The following ZNF69 variants were observed in gnomAD, a reference collection of about 807,000 sequenced individuals.
ZNF69 encodes zinc finger protein 69.
In ZNF69, 47 loss-of-function variants were observed where a neutral mutation model predicts 50.9. The ratio of observed to expected loss-of-function variants is 0.92; its 90% confidence interval spans 0.73 to 1.18. The LOEUF (loss-of-function observed/expected upper bound fraction) is 1.18. ZNF69 is among the 50% of genes most tolerant of loss of function. The pLI is 0.00. For synonymous variants in ZNF69, 216 were observed against 223.1 expected, an observed-to-expected ratio of 0.97 and a Z score of 0.29; for missense variants, 717 against 675.1, an observed-to-expected ratio of 1.06 and a Z score of -0.69.
At chr19:11,888,936 A>C (rs907705720) in intron 1 of ZNF69, among the ~76,000 whole-genome samples, 1 of 131,366 alleles carries the variant, frequency 7.6e-6, no homozygotes, top group Non-Finnish European at 1.6e-5. Flanking sequence ...GTGCCACTGC[A>C]CTCCAGCCTC....
chr19:11,946,894 G>A, the ZNF69 span: 3 of 391,966 alleles, frequency 7.7e-6, no homozygotes, highest in South Asian at 8.1e-5. Flanking sequence ...CAGCTACTCG[G>A]GAGGCTGAGG....
chr19:11,952,400 TA>T, the ZNF69 span, among the ~76,000 whole-genome samples: 6 of 152,240 alleles, frequency 3.9e-5, no homozygotes, highest in Non-Finnish European at 8.8e-5. Flanking sequence ...TACAGTTGTG[TA>T]AATTGTCTGA....
the ZNF69 span, chr19:11,977,105 C>T: frequency 1.6e-4 from 254 of 1,613,898 alleles, no homozygotes; most frequent in Non-Finnish European, 2.0e-4. Flanking sequence ...CTGGATATTT[C>T]GCAGAGGAAA....
chr19:11,960,723 G>T, the ZNF69 span, among the ~76,000 whole-genome samples: 1 of 151,266 alleles, frequency 6.6e-6, no homozygotes, highest in African/African-American at 2.4e-5. Flanking sequence ...ATGACTACTT[G>T]TTTTTCTTTC....
chr19:11,958,180 G>C, the ZNF69 span, among the ~76,000 whole-genome samples: 1 of 152,108 alleles, frequency 6.6e-6, no homozygotes, highest in Non-Finnish European at 1.5e-5. Flanking sequence ...CCATGTCTCT[G>C]ATTTGACTCG....
intron 1 of ZNF69, among the ~76,000 whole-genome samples, chr19:11,890,979 G>A (rs1423602808): frequency 3.3e-5 from 5 of 152,092 alleles, no homozygotes; most frequent in African/African-American, 7.2e-5. Context: ...ACAGACTCCA[G>A]AGAAATGGAC....
At chr19:11,960,404 C>T in the ZNF69 span, among the ~76,000 whole-genome samples, 1 of 152,066 alleles carries the variant, frequency 6.6e-6, no homozygotes, top group East Asian at 1.9e-4. Context: ...CCCACTGCAG[C>T]ATTAAGCTCC....
rs375050206 is a variant in ZNF69 at position 11,906,221 on chromosome 19, A to T, written c.*123A>T. The T allele has an allele frequency of 7.8e-4, 1,196 of 1,526,248 alleles. 7 individuals are homozygous for T. Among genetic ancestry groups the T allele is most frequent in the South Asian group, 5.6e-3 (411 of 74,004 alleles). The allele number at this position is 1,526,248 out of a possible 1,614,324, so 94.5% of individuals were successfully genotyped here. On this transcript the variant is annotated 3_prime_UTR_variant, in exon 4 of 4. Transcript: ENST00000429654. Reference sequence around the variant, plus strand: ...TCTGCCCAGAACCTTCGAATTCAGTAAAGGACACAAGCACACATAAGAATG... The same window carrying T: ...TCTGCCCAGAACCTTCGAATTCAGTTAAGGACACAAGCACACATAAGAATG...
the ZNF69 span, chr19:11,965,073 T>G: frequency 8.8e-7 from 1 of 1,137,870 alleles, no homozygotes; most frequent in Non-Finnish European, 1.3e-6. Flanking sequence ...CAGCCGGTGG[T>G]TGATATCCGC....
chr19:11,910,396 G>T (rs1972440342), downstream of ZNF69, among the ~76,000 whole-genome samples: 1 of 152,114 alleles, frequency 6.6e-6, no homozygotes, highest in African/African-American at 2.4e-5. Context: ...AAAGCTCAAG[G>T]CATTAGGCTA....
At chr19:11,917,042 G>A, downstream of ZNF69, among the ~76,000 whole-genome samples, 1 of 152,138 alleles carries the variant, frequency 6.6e-6, no homozygotes, top group East Asian at 1.9e-4. Context: ...ACTTGAGTAA[G>A]GTGTTGTACA....
intron 4 of ZNF69, chr19:11,913,360 T>G: frequency 1.7e-6 from 1 of 604,524 alleles, no homozygotes; most frequent in Non-Finnish European, 3.0e-6. Flanking sequence ...GCTTATGTAC[T>G]TACATTTTTA....
At chr19:11,963,090 T>A in the ZNF69 span, among the ~76,000 whole-genome samples, 8,943 of 111,978 alleles carry the variant, frequency 0.08, 331 homozygotes, top group African/African-American at 0.18. Context: ...AGAGAGAGAG[T>A]GTGTGTGTGT....
chr19:11,928,731 C>CAAA, the ZNF69 span, among the ~76,000 whole-genome samples: 2 of 53,438 alleles, frequency 3.7e-5, no homozygotes, highest in African/African-American at 6.7e-5. Flanking sequence ...GACTCCGTCT[C>CAAA]AAAAAAAAAA....
chr19:11,896,197 C>G (rs1231613854), intron 1 of ZNF69, among the ~76,000 whole-genome samples: 1 of 118,792 alleles, frequency 8.4e-6, no homozygotes, highest in Non-Finnish European at 1.6e-5. Flanking sequence ...CCAGCCTTGG[C>G]AACAAGGGCG....
chr19:11,939,186 T>C, the ZNF69 span, among the ~76,000 whole-genome samples: 11,275 of 151,992 alleles, frequency 0.074, 722 homozygotes, highest in African/African-American at 0.17. Flanking sequence ...TGCCTGTTCA[T>C]TCTGATGGTA....
the ZNF69 span, among the ~76,000 whole-genome samples, chr19:11,934,914 C>T: frequency 2.7e-4 from 40 of 147,652 alleles, 3 homozygotes; most frequent in South Asian, 6.9e-3. Context: ...GGTGCGGTGG[C>T]TCACGCCTGT....
the ZNF69 span, among the ~76,000 whole-genome samples, chr19:11,933,736 TA>T: frequency 4.8e-5 from 7 of 147,052 alleles, no homozygotes; most frequent in Non-Finnish European, 1.0e-4. Flanking sequence ...TTTATTTATC[TA>T]AAAAAAATTT....
the ZNF69 span, among the ~76,000 whole-genome samples, chr19:11,964,363 C>T: frequency 3.3e-5 from 5 of 152,134 alleles, no homozygotes; most frequent in South Asian, 1.0e-3. Flanking sequence ...TCGCTGGAGG[C>T]AGAGTTGTTT....
Sources: allele counts gnomAD v4.1 joint callset (sites outside exome capture counted in the v4.1 genomes callset), GRCh38; gene constraint gnomAD v4.1.1; transcripts MANE v1.5; gene names NCBI Gene and HGNC (gene_info 2026-07-23, HGNC 2026-07-21).